Variants in CD1B observed in about 807,000 individuals in gnomAD.
CD1B encodes T-cell surface glycoprotein CD1b.
A neutral mutation model predicts 39.8 loss-of-function variants in CD1B; 43 were observed. The observed-to-expected ratio is 1.08, with a 90% confidence interval of 0.85 to 1.39. The LOEUF is 1.39. Among genes scored for constraint, CD1B ranks in the 40% most tolerant of loss-of-function variants. The pLI, the probability that CD1B is intolerant of heterozygous loss-of-function variation, is 0.00. For missense variants in CD1B, 495 were observed against 403.8 expected, an observed-to-expected ratio of 1.23 and a Z score of -1.94; for synonymous variants, 192 against 152.5, an observed-to-expected ratio of 1.26 and a Z score of -1.91.
the CD1B span, chr1:158,290,147 G>T: frequency 6.2e-7 from 1 of 1,608,398 alleles, no homozygotes; most frequent in Admixed American, 1.7e-5. Context: ...GCTGTCAGCT[G>T]CAAGGTTACA....
At chr1:158,287,177 C>T in the CD1B span, among the ~76,000 whole-genome samples, 2 of 152,276 alleles carry the variant, frequency 1.3e-5, no homozygotes, top group South Asian at 4.1e-4. Flanking sequence ...GCTAGAAGTT[C>T]AAAGTCTCCA....
At chr1:158,312,959 A>T in the CD1B span, among the ~76,000 whole-genome samples, 1 of 151,848 alleles carries the variant, frequency 6.6e-6, no homozygotes, top group Non-Finnish European at 1.5e-5. Flanking sequence ...TCTTTTCCCC[A>T]TTTTGTTTTA....
At chr1:158,324,264 T>A (rs1652276472), downstream of CD1B, among the ~76,000 whole-genome samples, 1 of 152,200 alleles carries the variant, frequency 6.6e-6, no homozygotes, top group South Asian at 2.1e-4. Context: ...GGGTCTGCTA[T>A]CCAGGTGCTG....
the CD1B span, among the ~76,000 whole-genome samples, chr1:158,307,449 A>G: frequency 6.6e-6 from 1 of 152,182 alleles, no homozygotes; most frequent in Non-Finnish European, 1.5e-5. Flanking sequence ...TTAATAGCTT[A>G]CCAATCAAAA....
At chr1:158,318,879 C>A in the CD1B span, among the ~76,000 whole-genome samples, 1 of 152,134 alleles carries the variant, frequency 6.6e-6, no homozygotes, top group Non-Finnish European at 1.5e-5. Flanking sequence ...AATCTTTCAG[C>A]ATTTGCTTGT....
chr1:158,286,727 C>T, the CD1B span, among the ~76,000 whole-genome samples: 2 of 152,106 alleles, frequency 1.3e-5, no homozygotes, highest in Non-Finnish European at 1.5e-5. Context: ...GGGAAGTTTT[C>T]GGAGAACACA....
At chr1:158,307,894 A>C in the CD1B span, among the ~76,000 whole-genome samples, 2 of 152,170 alleles carry the variant, frequency 1.3e-5, no homozygotes, top group African/African-American at 2.4e-5. Context: ...AATGGGCAAA[A>C]CCTGGAAGCA....
chr1:158,316,506 T>A, the CD1B span, among the ~76,000 whole-genome samples: 1 of 151,952 alleles, frequency 6.6e-6, no homozygotes, highest in Non-Finnish European at 1.5e-5. Flanking sequence ...TACATTGATT[T>A]TGTATCCTGA....
the CD1B span, chr1:158,290,089 C>T: frequency 6.2e-7 from 1 of 1,613,992 alleles, no homozygotes; most frequent in Non-Finnish European, 8.5e-7. Flanking sequence ...GTTTCTGCTG[C>T]TAGCTCTTCT....
the CD1B span, among the ~76,000 whole-genome samples, chr1:158,318,017 G>T: frequency 4.6e-5 from 7 of 152,156 alleles, no homozygotes; most frequent in Admixed American, 6.5e-5. Context: ...ATTGCACTGT[G>T]GTCTGAGAGA....
the CD1B span, among the ~76,000 whole-genome samples, chr1:158,288,824 T>C: frequency 7.4e-4 from 112 of 152,372 alleles, 4 homozygotes; most frequent in South Asian, 0.023. Context: ...TTTACACATA[T>C]TAACCAGCCA....
At chr1:158,304,562 T>C in the CD1B span, among the ~76,000 whole-genome samples, 1 of 152,194 alleles carries the variant, frequency 6.6e-6, no homozygotes, top group African/African-American at 2.4e-5. Context: ...GACTTAAATG[T>C]TCCTGTCTGA....
the CD1B span, chr1:158,293,087 A>G: frequency 2.2e-6 from 2 of 927,368 alleles, no homozygotes; most frequent in Non-Finnish European, 3.4e-6. Flanking sequence ...TTTGGAATAG[A>G]GTGACTGAAA....
chr1:158,326,626 T>A (rs1368435566), downstream of CD1B, among the ~76,000 whole-genome samples: 6 of 152,146 alleles, frequency 3.9e-5, no homozygotes, highest in Admixed American at 6.5e-5. Context: ...TTCGGCTATA[T>A]GTTAAAAAAG....
At chr1:158,295,255 T>A in the CD1B span, among the ~76,000 whole-genome samples, 1 of 150,802 alleles carries the variant, frequency 6.6e-6, no homozygotes, top group Admixed American at 6.6e-5. Context: ...TGAGAGTGGA[T>A]GGAGGGAGAA....
the CD1B span, among the ~76,000 whole-genome samples, chr1:158,321,721 T>C: frequency 1.3e-5 from 2 of 152,214 alleles, no homozygotes; most frequent in African/African-American, 4.8e-5. Flanking sequence ...TTGAAATACA[T>C]ATTTTGTTTA....
chr1:158,295,241 G>A, the CD1B span, among the ~76,000 whole-genome samples: 4 of 152,174 alleles, frequency 2.6e-5, no homozygotes, highest in South Asian at 8.3e-4. Flanking sequence ...TGGAAAGAAG[G>A]CATTGAGAGT....
chr1:158,331,186 A>C, intron 1 of CD1B, 124 bp from the exon 2 acceptor site: 1 of 1,161,734 alleles, frequency 8.6e-7, no homozygotes, highest in Non-Finnish European at 1.2e-6. Flanking sequence ...AGGAAGTCTG[A>C]CACATTTGAC....
At chr1:158,310,692 C>A in the CD1B span, among the ~76,000 whole-genome samples, 1 of 152,062 alleles carries the variant, frequency 6.6e-6, no homozygotes, top group Non-Finnish European at 1.5e-5. Context: ...ATATACATAG[C>A]CAACAAGCAT....
Sources: gnomAD v4.1 joint callset for allele counts (sites outside exome capture counted in the v4.1 genomes callset) on GRCh38, gnomAD v4.1.1 for gene constraint, MANE v1.5 for transcripts, NCBI Gene and HGNC (gene_info 2026-07-23, HGNC 2026-07-21) for gene names.